Variants in ZNF454 observed in about 807,000 individuals in gnomAD.
ZNF454 encodes zinc finger protein 454.
In ZNF454, 30 loss-of-function variants were observed where a neutral mutation model predicts 48.2. The observed-to-expected ratio is 0.62, with a 90% CI of 0.47 to 0.84. The LOEUF (loss-of-function observed/expected upper bound fraction) is 0.84. Among genes scored for constraint, ZNF454 ranks in the 40% least tolerant of loss-of-function variants. The pLI, the probability that ZNF454 is intolerant of heterozygous loss-of-function variation, is 0.00. For missense variants in ZNF454, 510 were observed against 623.1 expected (o/e 0.82, Z 1.93); for synonymous variants, 204 against 211.4 (o/e 0.97, Z 0.30).
the ZNF454 span, chr5:178,979,462 G>A: frequency 1.8e-4 from 27 of 152,360 alleles, no homozygotes; most frequent in African/African-American, 6.3e-4. Context: ...CCTGCAAGTA[G>A]ACCGAATGTG....
chr5:178,980,507 C>T, the ZNF454 span: 4 of 154,564 alleles, frequency 2.6e-5, no homozygotes, highest in Non-Finnish European at 4.4e-5. This position sits in a 1 kb window ranked among gnomAD's most constrained non-coding sequence, Gnocchi z 4.3. Flanking sequence ...CTGCTCCCAA[C>T]CTGGAGCTCC....
the ZNF454 span, among the ~76,000 whole-genome samples, chr5:178,974,146 A>G: frequency 6.6e-6 from 1 of 152,210 alleles, no homozygotes; most frequent in Non-Finnish European, 1.5e-5. Flanking sequence ...ATAGTTATGC[A>G]GCTGGTACAA....
chr5:178,973,980 T>G, the ZNF454 span, among the ~76,000 whole-genome samples: 53 of 152,248 alleles, frequency 3.5e-4, 1 homozygote, highest in Admixed American at 3.4e-3. Context: ...GGGTCATAGT[T>G]TAAACTTATG....
intron 4 of ZNF454, among the ~76,000 whole-genome samples, chr5:178,956,360 T>A (rs1759746255): frequency 6.6e-6 from 1 of 152,090 alleles, no homozygotes; most frequent in African/African-American, 2.4e-5. Flanking sequence ...CAGCTAGTAA[T>A]CCCTCATTGC....
the ZNF454 span, chr5:178,979,666 G>C: frequency 6.6e-6 from 1 of 152,216 alleles, no homozygotes; most frequent in Non-Finnish European, 1.5e-5. Flanking sequence ...TTCTGATTCT[G>C]AATCACAGAG....
At position 178,946,507 on chromosome 5, in the gene ZNF454, T is replaced by C. The variant is rs763135278; in HGVS notation, c.160+22T>C. ...CTGGGTAAGTGGGACCCCTGCAAGG[T>C]TTCTCTTCACTTTTGGGGATCTCTT... On this transcript the variant is annotated intron_variant, in intron 3 of 4. Coordinates refer to ENST00000519564, the MANE Select transcript of ZNF454 (RefSeq NM_001178089.3). The surrounding 1 kb of genome is among the most constrained non-coding windows in gnomAD (Gnocchi z 4.5). 2 of 1,576,412 alleles carry C rather than the reference T, an allele frequency of 1.3e-6. No homozygotes were observed. The highest frequency in any genetic ancestry group is 1.4e-5 in the African/African-American group (1 of 72,622).
chr5:178,945,344 G>T (rs957625731), intron 2 of ZNF454, among the ~76,000 whole-genome samples: 1 of 151,092 alleles, frequency 6.6e-6, no homozygotes, highest in Admixed American at 6.6e-5. Flanking sequence ...GTATGTGGGT[G>T]TATGGATATG....
At chr5:178,969,740 C>T, downstream of ZNF454, 1 of 437,318 alleles carries the variant, frequency 2.3e-6, no homozygotes, top group Non-Finnish European at 4.6e-6. Flanking sequence ...CACCTCGGAG[C>T]GTTCCGAGAC....
the ZNF454 span, chr5:178,988,838 A>T: frequency 1.0e-6 from 1 of 993,438 alleles, no homozygotes; most frequent in Non-Finnish European, 1.6e-6. The surrounding 1 kb of genome is among the most constrained non-coding windows in gnomAD (Gnocchi z 6.0). Flanking sequence ...ACTCAGCCTC[A>T]CCCAGCCCTT....
At chr5:178,962,839 G>A (rs1338578012) in intron 4 of ZNF454, among the ~76,000 whole-genome samples, 3 of 151,894 alleles carry the variant, frequency 2.0e-5, no homozygotes, top group African/African-American at 7.2e-5. Flanking sequence ...AGCAGCTAGA[G>A]TGCAAGCAAA....
chr5:178,959,637 G>A (rs1319596946), intron 4 of ZNF454, among the ~76,000 whole-genome samples: 7 of 151,922 alleles, frequency 4.6e-5, no homozygotes, highest in East Asian at 3.9e-4. Flanking sequence ...ACGGAGTCTC[G>A]CTCTGTTGCC....
chr5:178,989,217 A>AGG, the ZNF454 span: 16 of 954,782 alleles, frequency 1.7e-5, no homozygotes, highest in Non-Finnish European at 2.2e-5. Context: ...CCCCACCCTC[A>AGG]CCACCCTCCC....
chr5:178,961,203 A>G (rs955813031), intron 4 of ZNF454, among the ~76,000 whole-genome samples: 2 of 151,700 alleles, frequency 1.3e-5, no homozygotes, highest in Admixed American at 1.3e-4. Flanking sequence ...TGCTAGGATT[A>G]CAGGCAAGAG....
At chr5:178,947,134 T>C in intron 4 of ZNF454, 148 bp downstream of exon 4, 1 of 673,934 alleles carries the variant, frequency 1.5e-6, no homozygotes. Context: ...ACCTTGTTGC[T>C]ACTTTTGTTC....
chr5:178,973,419 G>A, the ZNF454 span, among the ~76,000 whole-genome samples: 1 of 152,158 alleles, frequency 6.6e-6, no homozygotes, highest in Admixed American at 6.5e-5. Flanking sequence ...TCCTTGCAGT[G>A]AAGAAGAAAT....
At chr5:178,973,493 C>T in the ZNF454 span, among the ~76,000 whole-genome samples, 2 of 152,106 alleles carry the variant, frequency 1.3e-5, no homozygotes, top group Non-Finnish European at 2.9e-5. Context: ...CAGTAATACA[C>T]CTAGTGGCAA....
chr5:178,987,245 C>T, the ZNF454 span: 2 of 631,990 alleles, frequency 3.2e-6, no homozygotes, highest in Non-Finnish European at 5.9e-6. Flanking sequence ...GCTGCAGCCG[C>T]TGCAGAAAAC....
intron 4 of ZNF454, among the ~76,000 whole-genome samples, chr5:178,958,150 A>G (rs1008134144): frequency 2.6e-5 from 4 of 152,198 alleles, no homozygotes; most frequent in Admixed American, 6.5e-5. Context: ...CTAAAAGTAC[A>G]TAGATCATAA....
At chr5:178,976,423 A>G in the ZNF454 span, among the ~76,000 whole-genome samples, 2 of 152,146 alleles carry the variant, frequency 1.3e-5, no homozygotes, top group Admixed American at 1.3e-4. Flanking sequence ...TAAGCACCCA[A>G]GGGTACCTGT....
Sources: gnomAD v4.1 joint callset for allele counts (sites outside exome capture counted in the v4.1 genomes callset) on GRCh38, gnomAD v4.1.1 for gene constraint, Gnocchi (gnomAD v3.1) non-coding constraint, MANE v1.5 for transcripts, NCBI Gene and HGNC (gene_info 2026-07-23, HGNC 2026-07-21) for gene names.